Variants in ARB2A observed in about 807,000 individuals in gnomAD.
The protein encoded by ARB2A is ARB2 cotranscriptional regulator A.
At chr5:93,836,325 C>T in the ARB2A span, among the ~76,000 whole-genome samples, 6 of 152,176 alleles carry the variant, frequency 3.9e-5, no homozygotes, top group Non-Finnish European at 7.3e-5. Context: ...CCACGCCAGG[C>T]CTAAAGAAAA....
chr5:93,828,034 A>C, the ARB2A span, among the ~76,000 whole-genome samples: 20 of 152,282 alleles, frequency 1.3e-4, no homozygotes, highest in African/African-American at 4.8e-4. Context: ...TGATGCCTCC[A>C]GCTTTGTTCT....
the ARB2A span, among the ~76,000 whole-genome samples, chr5:93,973,025 T>A: frequency 2.5e-4 from 38 of 152,090 alleles, 1 homozygote; most frequent in African/African-American, 8.9e-4. Flanking sequence ...CATAGCTCAC[T>A]GCAGCCTCAA....
At chr5:93,835,016 G>A in the ARB2A span, among the ~76,000 whole-genome samples, 4 of 152,136 alleles carry the variant, frequency 2.6e-5, no homozygotes, top group East Asian at 1.9e-4. Context: ...ATATGCTAAC[G>A]TACAAAGTGC....
At chr5:93,965,079 G>A in the ARB2A span, among the ~76,000 whole-genome samples, 1 of 152,000 alleles carries the variant, frequency 6.6e-6, no homozygotes, top group Non-Finnish European at 1.5e-5. Context: ...AATAAGTTAT[G>A]TGACATATTA....
the ARB2A span, among the ~76,000 whole-genome samples, chr5:94,069,140 T>C: frequency 6.6e-6 from 1 of 152,032 alleles, no homozygotes; most frequent in Non-Finnish European, 1.5e-5. Flanking sequence ...AATCCACATA[T>C]TTACAGTCAA....
chr5:93,621,310 C>T, the ARB2A span, among the ~76,000 whole-genome samples: 1 of 151,702 alleles, frequency 6.6e-6, no homozygotes, highest in African/African-American at 2.4e-5. Flanking sequence ...CCCGCCCCCT[C>T]GCGGGCGCGG....
the ARB2A span, among the ~76,000 whole-genome samples, chr5:93,972,630 A>G: frequency 6.6e-6 from 1 of 152,200 alleles, no homozygotes; most frequent in Non-Finnish European, 1.5e-5. Flanking sequence ...GAAATGACAG[A>G]TAATTCAGAA....
the ARB2A span, among the ~76,000 whole-genome samples, chr5:93,672,556 C>T: frequency 6.6e-6 from 1 of 152,070 alleles, no homozygotes; most frequent in Non-Finnish European, 1.5e-5. Context: ...GATCCACCCG[C>T]CTCAGCCTCC....
chr5:93,642,931 G>T, the ARB2A span, among the ~76,000 whole-genome samples: 2 of 152,150 alleles, frequency 1.3e-5, no homozygotes, highest in African/African-American at 4.8e-5. Context: ...TGTGTTCTCA[G>T]TGGAGACTTT....
chr5:93,754,580 G>C, the ARB2A span, among the ~76,000 whole-genome samples: 1 of 152,182 alleles, frequency 6.6e-6, no homozygotes, highest in African/African-American at 2.4e-5. Context: ...ACCAGCCAAA[G>C]CAAGCTGTGC....
At chr5:93,727,884 T>C in the ARB2A span, among the ~76,000 whole-genome samples, 1 of 152,098 alleles carries the variant, frequency 6.6e-6, no homozygotes, top group Non-Finnish European at 1.5e-5. Flanking sequence ...TGTTTATTCA[T>C]AGCCACTGAC....
the ARB2A span, among the ~76,000 whole-genome samples, chr5:93,885,550 T>C: frequency 6.6e-6 from 1 of 151,646 alleles, no homozygotes; most frequent in Admixed American, 6.6e-5. Flanking sequence ...ACCAAATCAA[T>C]TCCAATATCC....
At chr5:94,106,891 A>AAAC in the ARB2A span, among the ~76,000 whole-genome samples, 1 of 150,958 alleles carries the variant, frequency 6.6e-6, no homozygotes, top group African/African-American at 2.4e-5. Flanking sequence ...AAAAAAAAAA[A>AAAC]ACAAATACCA....
chr5:93,676,626 C>A, the ARB2A span, among the ~76,000 whole-genome samples: 1 of 152,192 alleles, frequency 6.6e-6, no homozygotes, highest in East Asian at 1.9e-4. Flanking sequence ...GGCGATTCCT[C>A]ATTGTACAAG....
At chr5:93,656,972 A>G in the ARB2A span, among the ~76,000 whole-genome samples, 1 of 152,132 alleles carries the variant, frequency 6.6e-6, no homozygotes, top group Non-Finnish European at 1.5e-5. Flanking sequence ...GTTGCCTAGC[A>G]TGCGTCATGC....
chr5:94,091,789 TA>T, the ARB2A span, among the ~76,000 whole-genome samples: 9 of 152,182 alleles, frequency 5.9e-5, no homozygotes, highest in African/African-American at 1.4e-4. Flanking sequence ...CTCCAATTTG[TA>T]AAGTCTACTC....
the ARB2A span, among the ~76,000 whole-genome samples, chr5:93,731,584 G>A: frequency 1.3e-5 from 2 of 152,162 alleles, no homozygotes; most frequent in African/African-American, 4.8e-5. Flanking sequence ...AATTAAAAAG[G>A]TATATGTTAA....
chr5:93,688,243 G>A, the ARB2A span, among the ~76,000 whole-genome samples: 3 of 152,072 alleles, frequency 2.0e-5, no homozygotes, highest in African/African-American at 7.2e-5. Flanking sequence ...TAAAGTGCTG[G>A]GATTACAGGC....
At chr5:93,725,840 TTA>T in the ARB2A span, among the ~76,000 whole-genome samples, 1 of 152,104 alleles carries the variant, frequency 6.6e-6, no homozygotes, top group Non-Finnish European at 1.5e-5. Flanking sequence ...CTCCGTATGC[TTA>T]CATGTCCTCC....
Sources: allele counts gnomAD v4.1 joint callset (sites outside exome capture counted in the v4.1 genomes callset), GRCh38; gene constraint gnomAD v4.1.1; transcripts MANE v1.5; gene names NCBI Gene and HGNC (gene_info 2026-07-23, HGNC 2026-07-21).